The following DBX2 variants were observed in gnomAD, a reference collection of about 807,000 sequenced individuals.
The protein encoded by DBX2 is developing brain homeobox 2.
In DBX2, 16 loss-of-function variants were observed where a neutral mutation model predicts 17.7. The observed-to-expected ratio is 0.90, with a 90% CI of 0.61 to 1.37. The LOEUF (loss-of-function observed/expected upper bound fraction) is 1.37, where lower values mean the gene tolerates loss of function less well. Among genes scored for constraint, DBX2 ranks in the 40% most tolerant of loss-of-function variants. The probability of loss-of-function intolerance (pLI) is 0.00; values close to 1 mark genes in which losing one functional copy is unlikely to be tolerated. For synonymous variants in DBX2, 255 were observed against 183.8 expected (o/e 1.39, Z -3.13); for missense variants, 538 against 433.8 (o/e 1.24, Z -2.13).
At chr12:45,046,455 C>A (rs1946500848) in intron 1 of DBX2, among the ~76,000 whole-genome samples, 1 of 152,112 alleles carries the variant, frequency 6.6e-6, no homozygotes, top group Admixed American at 6.5e-5. Flanking sequence ...CATCAACACT[C>A]AAAATTCTAT....
chr12:45,027,894 A>C (rs1368332719), intron 2 of DBX2, among the ~76,000 whole-genome samples: 2 of 152,330 alleles, frequency 1.3e-5, no homozygotes, highest in East Asian at 3.9e-4. Context: ...TTCATAGTCG[A>C]TAAGAAAAAG....
At chr12:45,050,175 G>A (rs915315469) in intron 1 of DBX2, among the ~76,000 whole-genome samples, 2 of 152,158 alleles carry the variant, frequency 1.3e-5, no homozygotes, top group Admixed American at 6.5e-5. Flanking sequence ...TAGAAACGTT[G>A]AACTTGGTGA....
intron 1 of DBX2, among the ~76,000 whole-genome samples, chr12:45,041,745 C>A (rs1294063149): frequency 6.6e-6 from 1 of 152,120 alleles, no homozygotes; most frequent in Admixed American, 6.6e-5. Flanking sequence ...GTATGTACTG[C>A]CTATCTGTCA....
chr12:45,030,601 G>A (rs1004073360), intron 2 of DBX2, among the ~76,000 whole-genome samples: 10 of 152,152 alleles, frequency 6.6e-5, no homozygotes, highest in South Asian at 2.1e-4. Flanking sequence ...GCCTTTGCTC[G>A]CAACCTGGGC....
chr12:45,039,931 T>C (rs1946462575), intron 1 of DBX2, among the ~76,000 whole-genome samples: 1 of 152,140 alleles, frequency 6.6e-6, no homozygotes, highest in Admixed American at 6.5e-5. Flanking sequence ...GTTCAGGTTC[T>C]ACAGCATGAC....
At chr12:45,030,263 C>G (rs1053749431) in intron 2 of DBX2, among the ~76,000 whole-genome samples, 1 of 152,146 alleles carries the variant, frequency 6.6e-6, no homozygotes, top group Non-Finnish European at 1.5e-5. Context: ...CAGACCTTAT[C>G]CAGTCACTTT....
intron 3 of DBX2, 116 bp downstream of exon 3, chr12:45,023,591 T>C: frequency 8.4e-7 from 1 of 1,188,372 alleles, no homozygotes; most frequent in Non-Finnish European, 1.2e-6. Context: ...TGGATTCCAT[T>C]GTGTGCCTTA....
chr12:45,025,338 C>G (rs1179928995), intron 2 of DBX2, among the ~76,000 whole-genome samples: 1 of 152,054 alleles, frequency 6.6e-6, no homozygotes, highest in Non-Finnish European at 1.5e-5. Flanking sequence ...CCTCAAGAAG[C>G]TGGAAAAGAC....
chr12:45,046,478 T>C (rs1018207006), intron 1 of DBX2, among the ~76,000 whole-genome samples: 1 of 152,160 alleles, frequency 6.6e-6, no homozygotes, highest in Middle Eastern at 3.2e-3. Flanking sequence ...TTTTAATTTG[T>C]CAAAATGAAT....
Position 45,050,683 on chromosome 12 carries a change from G to C in DBX2, c.245C>G (p.Pro82Arg). The change falls in exon 1 of 4, where the codon CCC becomes CGC. Residue 82 changes from proline to arginine, a missense_variant. Pro to Arg is a moderately radical substitution (Grantham distance 103, BLOSUM62 -2). Coordinates refer to ENST00000332700, the MANE Select transcript of DBX2 (RefSeq NM_001004329.3). ...TTCGGCTGCGGGGCACAGCTTTAGG[G>C]GAACTGGGCTAGCAGGCAGGGGCCG... ...QLRPLPASPV[P>R]LKLCPAAEQV... The C allele has an allele frequency of 1.3e-6, 2 of 1,543,426 alleles. No homozygotes were observed. Among genetic ancestry groups the C allele is most frequent in the East Asian group, 2.5e-5 (1 of 40,026 alleles).
At chr12:45,042,310 GA>G (rs1946475878) in intron 1 of DBX2, among the ~76,000 whole-genome samples, 1 of 152,108 alleles carries the variant, frequency 6.6e-6, no homozygotes, top group Non-Finnish European at 1.5e-5. Context: ...AGAATAAAAA[GA>G]AAAGGATATT....
chr12:45,043,600 T>C (rs967002566), intron 1 of DBX2, among the ~76,000 whole-genome samples: 2 of 152,222 alleles, frequency 1.3e-5, no homozygotes, highest in African/African-American at 4.8e-5. Flanking sequence ...AGTAGCCATC[T>C]TGGACATCCA....
chr12:45,035,097 T>A (rs1254964202), intron 2 of DBX2, among the ~76,000 whole-genome samples: 1 of 152,244 alleles, frequency 6.6e-6, no homozygotes, highest in Non-Finnish European at 1.5e-5. Flanking sequence ...TGTCAGGAAT[T>A]ATTCTGTCGA....
At chr12:45,039,581 A>T (rs1303243954) in intron 1 of DBX2, among the ~76,000 whole-genome samples, 1 of 151,878 alleles carries the variant, frequency 6.6e-6, no homozygotes, top group African/African-American at 2.4e-5. Flanking sequence ...AGGCTCACTG[A>T]ACAATATTTA....
At chr12:45,023,262 T>C (rs1467499678) in intron 3 of DBX2, among the ~76,000 whole-genome samples, 1 of 152,350 alleles carries the variant, frequency 6.6e-6, no homozygotes, top group African/African-American at 2.4e-5. Context: ...CATGAGTCAC[T>C]CATTCATGGT....
chr12:45,030,214 T>C (rs1946402377), intron 2 of DBX2, among the ~76,000 whole-genome samples: 1 of 150,832 alleles, frequency 6.6e-6, no homozygotes, highest in East Asian at 1.9e-4. Flanking sequence ...GACAGGGCAA[T>C]GGTGTTTGTA....
In DBX2 at chr12:45,036,019, T is replaced by C. The variant is rs1177935583; in HGVS notation, c.499A>G (p.Arg167Gly). The change falls in exon 2 of 4, where the codon AGA becomes GGA. Residue 167 changes from arginine (R) to glycine (G), a missense_variant and splice_region_variant. Coordinates refer to ENST00000332700, the MANE Select transcript of DBX2 (RefSeq NM_001004329.3). ...TTGCTGATGAAGGATAAAAACTTACTTGGAAAAGCAGTGGAGGATGCAGGG... is the reference window on the plus strand; with the variant it reads ...TTGCTGATGAAGGATAAAAACTTACCTGGAAAAGCAGTGGAGGATGCAGGG... ...RRPASSTAFP[R>G]EESMLPLLTQ... The C allele has an allele frequency of 6.2e-7, 1 of 1,611,988 alleles. No homozygotes were observed. The highest frequency in any genetic ancestry group is 8.5e-7 in the Non-Finnish European group (1 of 1,179,310).
At position 45,050,712 on chromosome 12, in the gene DBX2, C is replaced by T. The variant is rs1946527241; in HGVS notation, c.216G>A (p.Gln72=). 1.3e-6 allele frequency: 2 copies of T among 1,498,272 alleles called. No individual in the cohort carries two copies. Among genetic ancestry groups the T allele is most frequent in the Non-Finnish European group, 1.8e-6 (2 of 1,126,374 alleles). 92.8% of individuals were successfully genotyped at this position (1,498,272 alleles called of 1,614,324 possible). The part of the protein sequence containing the change: ...PATALATAGA[Q]LRPLPASPVP... ...CTGGGCTAGCAGGCAGGGGCCGGAG[C>T]TGCGCGCCCGCGGTGGCCAGGGCGG... Residue 72 remains glutamine (Q), a synonymous_variant, in exon 1 of 4, where the codon CAG becomes CAA. Transcript: ENST00000332700.
At chr12:45,048,589 C>A (rs867276911) in intron 1 of DBX2, among the ~76,000 whole-genome samples, 5 of 152,092 alleles carry the variant, frequency 3.3e-5, no homozygotes, top group Non-Finnish European at 5.9e-5. Context: ...AAAACCGGGG[C>A]AATGTTCAGA....
Sources: gnomAD v4.1 joint callset for allele counts (sites outside exome capture counted in the v4.1 genomes callset) on GRCh38, gnomAD v4.1.1 for gene constraint, MANE v1.5 for transcripts, NCBI Gene and HGNC (gene_info 2026-07-23, HGNC 2026-07-21) for gene names.